The following ZNF33A variants were observed in gnomAD, a reference collection of about 807,000 sequenced individuals.
ZNF33A encodes brain my041 protein.
In ZNF33A, 9 loss-of-function variants were observed where a neutral mutation model predicts 15.9. That is an observed-to-expected ratio of 0.57 (90% CI 0.34 to 0.99). ZNF33A has a LOEUF of 0.99. Ranked by LOEUF, ZNF33A falls within the 50% of genes least tolerant of loss-of-function variation. The pLI, the probability that ZNF33A is intolerant of heterozygous loss-of-function variation, is 0.02. For synonymous variants in ZNF33A, 294 were observed against 324.2 expected (o/e 0.91, Z 1.00); for missense variants, 843 against 941.6 (o/e 0.90, Z 1.37).
chr10:38,055,755 A>G lies in ZNF33A; in HGVS notation c.1631A>G (p.Gln544Arg), dbSNP rs1454428926. Residue 544 changes from glutamine to arginine, a missense_variant, in exon 5 of 5, where the codon CAG (glutamine) becomes CGG (arginine). Physicochemically the swap from Gln to Arg is conservative, Grantham distance 43. Coordinates refer to ENST00000432900, the MANE Select transcript of ZNF33A (RefSeq NM_006954.2). ...TTGAAGTCAGACCTCACAGTACATC[A>G]GAGAACACACACAGGGCAGAAACCC... ...FCLKSDLTVH[Q>R]RTHTGQKPFA... The G allele has an allele frequency of 6.2e-7, 1 of 1,613,126 alleles. No homozygotes were observed. Among genetic ancestry groups the G allele is most frequent in the South Asian group, 1.1e-5 (1 of 91,060 alleles).
intron 4 of ZNF33A, among the ~76,000 whole-genome samples, chr10:38,033,734 A>G (rs1590585777): frequency 1.4e-5 from 2 of 145,452 alleles, no homozygotes; most frequent in South Asian, 2.1e-4. Flanking sequence ...TCTTTTTGAG[A>G]TGGAGTCTCG....
At chr10:38,011,631 A>G (rs567469069) in intron 1 of ZNF33A, among the ~76,000 whole-genome samples, 40 of 152,152 alleles carry the variant, frequency 2.6e-4, no homozygotes, top group Non-Finnish European at 4.3e-4. Flanking sequence ...TAGAAGAAAA[A>G]GATTTTTTTT....
At chr10:38,028,114 A>C (rs2065057438) in intron 4 of ZNF33A, among the ~76,000 whole-genome samples, 1 of 151,968 alleles carries the variant, frequency 6.6e-6, no homozygotes, top group African/African-American at 2.4e-5. Flanking sequence ...AAAAAAATAA[A>C]ATAAATAGTT....
At chr10:38,019,448 G>A (rs1429701961) in intron 4 of ZNF33A, among the ~76,000 whole-genome samples, 6 of 152,102 alleles carry the variant, frequency 3.9e-5, no homozygotes, top group East Asian at 3.8e-4. Flanking sequence ...ATAAACATAC[G>A]TGTGCATGTG....
At chr10:38,064,077 C>T (rs1192556578), downstream of ZNF33A, 3 of 1,596,930 alleles carry the variant, frequency 1.9e-6, no homozygotes, top group South Asian at 1.1e-5. Flanking sequence ...ACCATCCTTA[C>T]TCCCTCCCAG....
intron 4 of ZNF33A, among the ~76,000 whole-genome samples, chr10:38,027,744 T>C (rs2065046401): frequency 6.6e-6 from 1 of 152,192 alleles, no homozygotes; most frequent in African/African-American, 2.4e-5. Context: ...GGTACACACA[T>C]AGTTATACTT....
intron 4 of ZNF33A, among the ~76,000 whole-genome samples, chr10:38,019,456 G>A (rs1420772930): frequency 6.6e-6 from 1 of 152,152 alleles, no homozygotes; most frequent in South Asian, 2.1e-4. Context: ...ACGTGTGCAT[G>A]TGTCTTTATA....
chr10:38,066,894 T>C (rs865776003), downstream of ZNF33A, among the ~76,000 whole-genome samples: 9 of 152,090 alleles, frequency 5.9e-5, no homozygotes, highest in African/African-American at 2.2e-4. Context: ...ATTGCATCAC[T>C]GCACTCCAGC....
At chr10:38,012,373 A>G in intron 2 of ZNF33A, 23 bp downstream of exon 2, 1 of 1,603,982 alleles carries the variant, frequency 6.2e-7, no homozygotes, top group Non-Finnish European at 8.5e-7. Context: ...TTAATTCCCT[A>G]CTTTATTTTG....
chr10:38,054,785 T>A lies in ZNF33A; in HGVS notation c.661T>A (p.Tyr221Asn). 1 of 1,613,734 alleles carries A rather than the reference T, an allele frequency of 6.2e-7. No individual in the cohort carries two copies. Among genetic ancestry groups the A allele is most frequent in the Non-Finnish European group, 8.5e-7 (1 of 1,179,946 alleles). The change falls in exon 5 of 5, where the codon TAC (tyrosine) becomes AAC (asparagine). Residue 221 changes from tyrosine (Y) to asparagine (N), a missense_variant. Transcript: ENST00000432900. ...KIQTLEHNFE[Y>N]SICQETLLEK... ...TCAAACTTTAGAGCACAATTTTGAATACAGTATATGTCAGGAAACCCTCCT... is the reference window on the plus strand; with the variant it reads ...TCAAACTTTAGAGCACAATTTTGAAAACAGTATATGTCAGGAAACCCTCCT...
At chr10:38,062,471 A>G (rs9651365), downstream of ZNF33A, among the ~76,000 whole-genome samples, 4,163 of 152,322 alleles carry the variant, frequency 0.027, 139 homozygotes, top group African/African-American at 0.082. Flanking sequence ...CATGGTCCCA[A>G]TGCTGCGTAA....
At chr10:38,027,771 G>A (rs767634526) in intron 4 of ZNF33A, among the ~76,000 whole-genome samples, 17 of 152,086 alleles carry the variant, frequency 1.1e-4, no homozygotes, top group Non-Finnish European at 2.1e-4. Flanking sequence ...TCTTATTGAT[G>A]GAACGACCCT....
chr10:38,023,094 T>A (rs775320529), intron 4 of ZNF33A, among the ~76,000 whole-genome samples: 3 of 152,048 alleles, frequency 2.0e-5, no homozygotes, highest in Non-Finnish European at 2.9e-5. Flanking sequence ...TGCAGGCACA[T>A]GCCACCACAC....
Position 38,057,676 on chromosome 10 carries a change from G to A in ZNF33A, c.*1116G>A, listed in dbSNP as rs541776936. The A allele has an allele frequency of 1.9e-5, 19 of 985,008 alleles. No individual in the cohort carries two copies. Among genetic ancestry groups the A allele is most frequent in the African/African-American group, 1.6e-4 (9 of 57,184 alleles). The allele number at this position is 985,008 out of a possible 1,614,324, so 61.0% of individuals were successfully genotyped here. On this transcript the variant is annotated 3_prime_UTR_variant, in exon 5 of 5. Coordinates refer to ENST00000432900, the MANE Select transcript of ZNF33A (RefSeq NM_006954.2). ...CCTGTACATGTGAAGATCTAGGCTC[G>A]CCTCCATGTTACTCCCTTTCTCTTC... is the stretch of plus-strand genomic sequence containing the variant.
chr10:38,052,026 A>G (rs978574966), intron 4 of ZNF33A, among the ~76,000 whole-genome samples: 1 of 152,208 alleles, frequency 6.6e-6, no homozygotes, highest in Non-Finnish European at 1.5e-5. Flanking sequence ...GACATTGTAT[A>G]TAATTGTGAA....
downstream of ZNF33A, among the ~76,000 whole-genome samples, chr10:38,061,069 T>C (rs2066649331): frequency 6.6e-6 from 1 of 152,090 alleles, no homozygotes; most frequent in African/African-American, 2.4e-5. Flanking sequence ...AGCCCCACTT[T>C]CCAAAGGTCT....
intron 4 of ZNF33A, among the ~76,000 whole-genome samples, chr10:38,047,646 A>G: frequency 4.5e-5 from 2 of 44,040 alleles, no homozygotes; most frequent in African/African-American, 7.1e-5. Context: ...AAAAAAAAAA[A>G]AAAAAAAAAA....
At chr10:38,036,960 G>GT (rs2065478884) in intron 4 of ZNF33A, among the ~76,000 whole-genome samples, 1 of 152,268 alleles carries the variant, frequency 6.6e-6, no homozygotes, top group Non-Finnish European at 1.5e-5. Flanking sequence ...AGATGTAAGA[G>GT]TTTTTTCCAT....
intron 4 of ZNF33A, among the ~76,000 whole-genome samples, chr10:38,050,580 A>G (rs2066157815): frequency 6.6e-6 from 1 of 152,212 alleles, no homozygotes; most frequent in Non-Finnish European, 1.5e-5. Context: ...CTGCCCTACT[A>G]AGCTGTTGGT....
Sources: gnomAD v4.1 joint callset for allele counts (sites outside exome capture counted in the v4.1 genomes callset) on GRCh38, gnomAD v4.1.1 for gene constraint, MANE v1.5 for transcripts, NCBI Gene and HGNC (gene_info 2026-07-23, HGNC 2026-07-21) for gene names.